The following TLE6 variants were observed in gnomAD, a reference collection of about 807,000 sequenced individuals.
TLE6 encodes TLE family member 6, subcortical maternal complex member.
TLE6 carries 72 observed loss-of-function variants against 77.1 expected under a neutral mutation model. The observed-to-expected ratio is 0.93, with a 90% CI of 0.77 to 1.14. The LOEUF is 1.14. Among genes scored for constraint, TLE6 ranks in the 50% most tolerant of loss-of-function variants. TLE6 has a pLI of 0.00. For synonymous variants in TLE6, 366 were observed against 287.3 expected, an observed-to-expected ratio of 1.27 and a Z score of -2.77; for missense variants, 843 against 747.6, an observed-to-expected ratio of 1.13 and a Z score of -1.49.
At chr19:2,993,941 AAGGT>A in intron 15 of TLE6, 74 bp from the exon 16 acceptor site, 1 of 921,318 alleles carries the variant, frequency 1.1e-6, no homozygotes, top group Non-Finnish European at 1.7e-6. Context: ...AAAAAAAAAA[AAGGT>A]GGGTGGGGAG....
At chr19:2,982,050 G>A in intron 4 of TLE6, 98 bp from the exon 5 acceptor site, 2 of 1,260,766 alleles carry the variant, frequency 1.6e-6, no homozygotes, top group South Asian at 1.3e-5. Context: ...ATTTAAGGTG[G>A]GGGAGTAGGG....
In TLE6 at chr19:2,987,906, C is replaced by A. The variant is rs149458627; in HGVS notation, c.634C>A (p.Pro212Thr). ...PCPEDASTPRPPEASSSPPEG... is the reference protein window; with the variant it reads ...PCPEDASTPRTPEASSSPPEG... The stretch of plus-strand genomic sequence containing the variant: ...TCTTGTCTCCCCACTAGCCCCCAGG[C>A]CACCTGAGGCCTCCTCCAGTCCCCC... Residue 212 changes from proline (P) to threonine (T), a missense_variant, in exon 10 of 17, where the codon CCA (proline) becomes ACA (threonine). By Grantham distance (38) the Pro-to-Thr change is conservative (BLOSUM62 -1). Transcript: ENST00000246112. 1.9e-6 allele frequency: 3 copies of A among 1,609,256 alleles called. No homozygotes were observed. The highest frequency in any genetic ancestry group is 1.1e-5 in the South Asian group (1 of 90,622).
At chr19:2,978,420 T>C in intron 2 of TLE6, 136 bp downstream of exon 2, 1 of 811,366 alleles carries the variant, frequency 1.2e-6, no homozygotes, top group East Asian at 2.7e-5. Flanking sequence ...GCTGCTACAC[T>C]CAAGACAGGT....
At position 2,978,145 on chromosome 19, in the gene TLE6, G is replaced by A. The variant is rs1219927539; in HGVS notation, c.-36-53G>A. ...GGGGTAACGGGTGCCTTGCTTCCCT[G>A]GCACTGCCTTATTTTCTGTCCCTCA... On this transcript the variant is annotated intron_variant, in intron 1 of 16. Coordinates refer to ENST00000246112, the MANE Select transcript of TLE6 (RefSeq NM_001143986.2). 4 of 1,403,112 alleles carry A rather than the reference G, an allele frequency of 2.9e-6. No individual in the cohort carries two copies. In the African/African-American group the frequency reaches 5.7e-5, roughly 20 times the overall value. The allele number at this position is 1,403,112 out of a possible 1,614,324, so 86.9% of individuals were successfully genotyped here.
intron 13 of TLE6, among the ~76,000 whole-genome samples, chr19:2,990,806 GC>G (rs2089033450): frequency 6.6e-6 from 1 of 151,414 alleles, no homozygotes; most frequent in Non-Finnish European, 1.5e-5. Flanking sequence ...CTCAAGACCA[GC>G]CTGGCCAACA....
In TLE6 at chr19:2,988,120, A is replaced by G. The variant is rs374057039; in HGVS notation, c.732A>G (p.Leu244=). The change falls in exon 11 of 17, where the codon CTA becomes CTG. Residue 244 remains leucine (L), a synonymous_variant. Transcript: ENST00000246112. The part of the protein sequence containing the change: ...QEPPGRASRF[L]QSISWDPEDF... ...CTCCTGGAAGAGCCTCTCGGTTTCT[A>G]CAGTCCATGTAAGTGTCTGCACTGT... 1.3e-5 allele frequency: 20 copies of G among 1,551,782 alleles called. No homozygotes were observed. The African/African-American group carries it at 1.6e-4, about 13-fold the overall frequency.
intron 14 of TLE6, among the ~76,000 whole-genome samples, chr19:2,992,480 A>G (rs2089091854): frequency 6.6e-6 from 1 of 151,304 alleles, no homozygotes; most frequent in Admixed American, 6.6e-5. Context: ...CTCAAAAACA[A>G]ATGAGGTTGG....
rs149510291 is a variant in TLE6 at position 2,991,876 on chromosome 19, T to A, written c.1278T>A (p.Ser426Arg). 5.4e-5 allele frequency: 87 copies of A among 1,613,140 alleles called. 4 individuals are homozygous for A. In the South Asian group the frequency reaches 9.3e-4, roughly 17 times the overall value. The change falls in exon 14 of 17, where the codon AGT (serine) becomes AGA (arginine). Residue 426 changes from serine (S) to arginine (R), a missense_variant. Coordinates refer to ENST00000246112, the MANE Select transcript of TLE6 (RefSeq NM_001143986.2). Reference protein sequence around the residue: ...DLKGYPDGVKSIVVKGYNIWT... With the variant: ...DLKGYPDGVKRIVVKGYNIWT... ...AGGGTTATCCTGATGGAGTCAAGAGTATCGTGGTCAAGGGCTACAACATCT... is the reference window on the plus strand; with the variant it reads ...AGGGTTATCCTGATGGAGTCAAGAGAATCGTGGTCAAGGGCTACAACATCT...
At chr19:2,991,158 G>T (rs1444461418) in intron 13 of TLE6, among the ~76,000 whole-genome samples, 4 of 151,192 alleles carry the variant, frequency 2.6e-5, no homozygotes, top group Non-Finnish European at 4.4e-5. Flanking sequence ...GAGGTCGGGA[G>T]TTTGAGACCA....
At position 2,989,095 on chromosome 19, in the gene TLE6, A is replaced by G; in HGVS notation, c.775A>G (p.Lys259Glu). The G allele has an allele frequency of 6.2e-7, 1 of 1,614,106 alleles. No individual in the cohort carries two copies. The highest frequency in any genetic ancestry group is 1.1e-5 in the South Asian group (1 of 91,080). ...CCCTGAGGACTTTGAAGATGCATGGAAGAGGCCAGATGCCTTGCCCGGGCA... is the reference window on the plus strand; with the variant it reads ...CCCTGAGGACTTTGAAGATGCATGGGAGAGGCCAGATGCCTTGCCCGGGCA... ...WDPEDFEDAW[K>E]RPDALPGQSK... The change falls in exon 12 of 17, where the codon AAG becomes GAG. Residue 259 changes from lysine (K) to glutamate (E), a missense_variant. Physicochemically the swap from Lys to Glu is moderately conservative, Grantham distance 56 (BLOSUM62 1). Coordinates refer to ENST00000246112, the MANE Select transcript of TLE6 (RefSeq NM_001143986.2).
chr19:2,987,446 C>T lies in TLE6; in HGVS notation c.558+74C>T. 7.6e-6 allele frequency: 12 copies of T among 1,583,772 alleles called. No homozygotes were observed. The South Asian group carries it at 1.2e-4, about 16-fold the overall frequency. The stretch of plus-strand genomic sequence containing the variant: ...GCGGTTGGGCTCCCCCAGGTCAGGG[C>T]ACTGGGGTTCCTGTGGGATTTGTCT... On this transcript the variant is annotated intron_variant, in intron 8 of 16. Coordinates refer to ENST00000246112, the MANE Select transcript of TLE6 (RefSeq NM_001143986.2).
Position 2,993,541 on chromosome 19 carries a change from A to C in TLE6, c.1496A>C (p.Gln499Pro). Residue 499 changes from glutamine (Q) to proline (P), a missense_variant, in exon 15 of 17, where the codon CAA becomes CCA. Transcript: ENST00000246112. Reference sequence around the variant, plus strand: ...GGGAGCCAGCGGCACATGGTGGGGCAAAAAGACAGCGTCATCCTGAGCGTC... The same window carrying C: ...GGGAGCCAGCGGCACATGGTGGGGCCAAAAGACAGCGTCATCCTGAGCGTC... ...TSGSQRHMVG[Q>P]KDSVILSVKF... is the part of the protein sequence containing the mutation. 2 of 1,589,426 alleles carry C rather than the reference A, an allele frequency of 1.3e-6. No homozygotes were observed. The highest frequency in any genetic ancestry group is 3.4e-5 in the Admixed American group (2 of 58,416).
At chr19:2,982,535 C>CAAAAAA (rs1200316710) in intron 5 of TLE6, among the ~76,000 whole-genome samples, 2 of 41,832 alleles carry the variant, frequency 4.8e-5, no homozygotes, top group African/African-American at 1.7e-4. Context: ...GACTCTGTCT[C>CAAAAAA]AAAAAAAAAA....
chr19:2,985,488 A>C, intron 5 of TLE6, among the ~76,000 whole-genome samples: 1 of 118,448 alleles, frequency 8.4e-6, no homozygotes. Context: ...GGCTCACTGC[A>C]AGCTCCGCCT....
At position 2,987,955 on chromosome 19, in the gene TLE6, C is replaced by T; in HGVS notation, c.683C>T (p.Thr228Ile). ...CCTGAGGGTTCCCAAGACAGGAACA[C>T]AAGTTGGGGTGTGGTCCAGGTGAGA... Reference protein sequence around the residue: ...SPPEGSQDRNTSWGVVQEPPG... With the variant: ...SPPEGSQDRNISWGVVQEPPG... The change falls in exon 10 of 17, where the codon ACA (threonine) becomes ATA (isoleucine). Residue 228 changes from threonine (T) to isoleucine (I), a missense_variant. By Grantham distance (89) the Thr-to-Ile change is moderately conservative (BLOSUM62 -1). Transcript: ENST00000246112. The T allele has an allele frequency of 1.2e-6, 2 of 1,610,520 alleles. No homozygotes were observed. The highest frequency in any genetic ancestry group is 2.2e-5 in the South Asian group (2 of 90,630).
intron 5 of TLE6, chr19:2,984,190 A>C (rs1278048028): frequency 6.6e-6 from 1 of 152,296 alleles, no homozygotes; most frequent in Non-Finnish European, 1.5e-5. Context: ...AGGGAGCCAC[A>C]CTTTTCATGC....
intron 15 of TLE6, among the ~76,000 whole-genome samples, 153 bp downstream of exon 15, chr19:2,993,735 G>C (rs1195252329): frequency 6.6e-6 from 1 of 152,028 alleles, no homozygotes; most frequent in East Asian, 1.9e-4. Flanking sequence ...ATAGTGGAAT[G>C]AGGGAGGGAA....
At chr19:2,978,320 G>A in intron 2 of TLE6, 36 bp downstream of exon 2, 1 of 1,549,808 alleles carries the variant, frequency 6.5e-7, no homozygotes, top group Non-Finnish European at 8.7e-7. Context: ...GCCCTCAAGG[G>A]AAACCCGGGC....
chr19:2,986,920 G>T (rs902666077), intron 6 of TLE6, 29 bp downstream of exon 6: 1 of 1,552,804 alleles, frequency 6.4e-7, no homozygotes, highest in Non-Finnish European at 8.7e-7. Context: ...AAGGAGGGGA[G>T]GGGACAGGCT....
Sources: allele counts gnomAD v4.1 joint callset (sites outside exome capture counted in the v4.1 genomes callset), GRCh38; gene constraint gnomAD v4.1.1; transcripts MANE v1.5; gene names NCBI Gene and HGNC (gene_info 2026-07-23, HGNC 2026-07-21).